Variants in HGS observed in about 807,000 individuals in gnomAD.
The protein encoded by HGS is hepatocyte growth factor-regulated tyrosine kinase substrate, also known as human growth factor-regulated tyrosine kinase substrate.
In HGS, 63 loss-of-function variants were observed where a neutral mutation model predicts 109.7. The ratio of observed to expected loss-of-function variants is 0.57; its 90% CI spans 0.47 to 0.71. The LOEUF is 0.71. Ranked by LOEUF, HGS falls within the 30% of genes least tolerant of loss-of-function variation. The probability of loss-of-function intolerance (pLI) is 0.00; values close to 1 mark genes in which losing one functional copy is unlikely to be tolerated. For synonymous variants in HGS, 546 were observed against 437.3 expected (o/e 1.25, Z -3.10); for missense variants, 995 against 1,068.3 (o/e 0.93, Z 0.96).
At chr17:81,695,126 G>A (rs1388613491) in intron 13 of HGS, 38 bp from the exon 14 acceptor site, 23 of 1,613,708 alleles carry the variant, frequency 1.4e-5, no homozygotes, top group Non-Finnish European at 1.9e-5. Flanking sequence ...GGTGGATGCG[G>A]GACAGGTTGG....
rs766242507 is a variant in HGS, at chr17:81,684,077, G to A, written c.11G>A (p.Gly4Asp). 6.3e-7 allele frequency: 1 copy of A among 1,594,910 alleles called. No individual in the cohort carries two copies. Among genetic ancestry groups the A allele is most frequent in the Non-Finnish European group, 8.5e-7 (1 of 1,172,976 alleles). Residue 4 changes from glycine to aspartate, a missense_variant, in exon 1 of 22, where the codon GGC becomes GAC. By Grantham distance (94) the Gly-to-Asp change is moderately conservative. Coordinates refer to ENST00000329138, the MANE Select transcript of HGS (RefSeq NM_004712.5). The part of the protein sequence containing the change: MGR[G>D]SGTFERLLDK... ...GGGCTGGAGGTCGCCATGGGGCGAG[G>A]CAGCGGCACCTTCGAGCGTCTCCTA...
At position 81,688,710 on chromosome 17, in the gene HGS, G is replaced by A; in HGVS notation, c.298G>A (p.Val100Met). ...CCCTTCTCCCTGCCTGCAGAGACAAGTGGAGGTAAACGTCCGTAACAAGAT... is the reference window on the plus strand; with the variant it reads ...CCCTTCTCCCTGCCTGCAGAGACAAATGGAGGTAAACGTCCGTAACAAGAT... ...EELKDLLKRQ[V>M]EVNVRNKILY... is the part of the protein sequence containing the mutation. The change falls in exon 5 of 22, where the codon GTG becomes ATG. Residue 100 changes from valine to methionine, a missense_variant. Physicochemically the swap from Val to Met is conservative, Grantham distance 21. This residue lies in a region of HGS where 182 missense variants were observed against 261.3 expected (regional missense o/e 0.70). Coordinates refer to ENST00000329138, the MANE Select transcript of HGS (RefSeq NM_004712.5). 3 of 1,613,956 alleles carry A rather than the reference G, an allele frequency of 1.9e-6. No homozygotes were observed. The highest frequency in any genetic ancestry group is 2.5e-6 in the Non-Finnish European group (3 of 1,179,934).
chr17:81,698,172 C>T (rs954450972), intron 18 of HGS: 2 of 152,188 alleles, frequency 1.3e-5, no homozygotes, highest in African/African-American at 2.4e-5. Context: ...GTGGCACGTG[C>T]CTGTAATCCC....
rs757996383 is a variant in HGS at position 81,700,503 on chromosome 17, G to A, written c.1919G>A (p.Gly640Glu). The A allele has an allele frequency of 3.1e-6, 5 of 1,604,798 alleles. No individual in the cohort carries two copies. The highest frequency in any genetic ancestry group is 1.7e-4 in the Middle Eastern group (1 of 6,038). Residue 640 changes from glycine to glutamate, a missense_variant, in exon 19 of 22, where the codon GGG (glycine) becomes GAG (glutamate). Coordinates refer to ENST00000329138, the MANE Select transcript of HGS (RefSeq NM_004712.5). Reference protein sequence around the residue: ...SMVSAYMYPAGATGAQAAPQA... With the variant: ...SMVSAYMYPAEATGAQAAPQA... ...GTGAGTGCCTACATGTACCCAGCAG[G>A]GGCCACTGGGGCGCAGGCGGCCCCC...
At chr17:81,701,371 G>C in intron 21 of HGS, 137 bp from the exon 22 acceptor site, 1 of 1,011,492 alleles carries the variant, frequency 9.9e-7, no homozygotes, top group Non-Finnish European at 1.4e-6. Context: ...AAGGCCGCAT[G>C]AGCTGGCTGC....
intron 1 of HGS, chr17:81,685,061 T>C (rs1197867041): frequency 4.1e-6 from 4 of 985,382 alleles, no homozygotes; most frequent in African/African-American, 1.7e-5. Context: ...TGATGTGGTA[T>C]GATGACAGGT....
In HGS at chr17:81,684,035, C is replaced by T; in HGVS notation, c.-32C>T. The T allele has an allele frequency of 1.3e-6, 2 of 1,581,956 alleles. No homozygotes were observed. The highest frequency in any genetic ancestry group is 1.7e-6 in the Non-Finnish European group (2 of 1,167,546). ...CGCGCCAGCTCGTAGCAGGGGAGCG[C>T]CCGCGGCGTCGGGTTTGGGCTGGAG... is the stretch of plus-strand genomic sequence containing the variant. On this transcript the variant is annotated 5_prime_UTR_variant, in exon 1 of 22. Transcript: ENST00000329138.
At chr17:81,687,118 G>A in intron 4 of HGS, 23 bp downstream of exon 4, 1 of 1,570,412 alleles carries the variant, frequency 6.4e-7, no homozygotes, top group Non-Finnish European at 8.7e-7. Flanking sequence ...GGGGCATGCG[G>A]GTGGCCACCC....
At chr17:81,688,855 G>T (rs762447267) in intron 5 of HGS, 28 bp downstream of exon 5, 1 of 1,613,888 alleles carries the variant, frequency 6.2e-7, no homozygotes, top group South Asian at 1.1e-5. Context: ...TTGGGACCAG[G>T]TTGAGGCTTG....
intron 19 of HGS, 31 bp from the exon 20 acceptor site, chr17:81,700,664 C>G (rs1347895846): frequency 6.3e-7 from 1 of 1,589,918 alleles, no homozygotes; most frequent in South Asian, 1.1e-5. Context: ...AGCCCCAGCC[C>G]CTTCTCCCAT....
chr17:81,688,133 C>T (rs949712361), intron 4 of HGS, among the ~76,000 whole-genome samples: 1 of 151,794 alleles, frequency 6.6e-6, no homozygotes, highest in Non-Finnish European at 1.5e-5. Flanking sequence ...AGCCTCTGAT[C>T]GCACGCCGTC....
chr17:81,697,809 CGT>C (rs2037177967), intron 18 of HGS: 1 of 152,098 alleles, frequency 6.6e-6, no homozygotes, highest in Middle Eastern at 3.2e-3. Flanking sequence ...AGCGTGGAGA[CGT>C]GTTTATTTTT....
intron 7 of HGS, 116 bp downstream of exon 7, chr17:81,690,858 G>C: frequency 2.3e-6 from 2 of 866,424 alleles, no homozygotes; most frequent in Middle Eastern, 2.4e-4. Flanking sequence ...CAGGAGGTGA[G>C]TGCAGCTCGC....
intron 1 of HGS, 90 bp from the exon 2 acceptor site, chr17:81,685,515 G>A (rs879824777): frequency 1.7e-5 from 13 of 772,230 alleles, no homozygotes; most frequent in Non-Finnish European, 2.8e-5. Context: ...AGGGGAAGGA[G>A]AGAGTCCCCC....
rs930971317 is a variant in HGS at position 81,691,154 on chromosome 17, C to G, written c.538-293C>G. On this transcript the variant is annotated intron_variant, in intron 7 of 21. Coordinates refer to ENST00000329138, the MANE Select transcript of HGS (RefSeq NM_004712.5). The surrounding 1 kb of genome is among the most constrained non-coding windows in gnomAD (Gnocchi z 5.3). ...TTTGGGGTGTCAGCAGCTTCCAGCA[C>G]CCACTGCACTCACAAAAGCTCTTGT... 2.2e-6 allele frequency: 1 copy of G among 461,676 alleles called. No homozygotes were observed. Among genetic ancestry groups the G allele is most frequent in the Non-Finnish European group, 4.0e-6 (1 of 252,376 alleles). 28.6% of individuals were successfully genotyped at this position (461,676 alleles called of 1,614,324 possible). A position where few individuals can be genotyped will look rare whatever the true frequency, so the allele number is the denominator to read the frequency against.
chr17:81,700,881 T>C, intron 20 of HGS, 67 bp downstream of exon 20: 1 of 1,580,190 alleles, frequency 6.3e-7, no homozygotes, highest in African/African-American at 1.3e-5. Flanking sequence ...TGAGGGTCCT[T>C]TGGTGAGGCT....
At chr17:81,688,234 G>T (rs898990276) in intron 4 of HGS, among the ~76,000 whole-genome samples, 2 of 152,188 alleles carry the variant, frequency 1.3e-5, no homozygotes, top group Non-Finnish European at 2.9e-5. Context: ...GCTGCAGGGG[G>T]TCTGGAGCCC....
At chr17:81,685,970 A>G (rs946087655) in intron 2 of HGS, among the ~76,000 whole-genome samples, 2 of 152,028 alleles carry the variant, frequency 1.3e-5, no homozygotes, top group African/African-American at 4.8e-5. Flanking sequence ...TTGCTTTGTC[A>G]CCCAGGCTGA....
intron 18 of HGS, among the ~76,000 whole-genome samples, chr17:81,700,226 G>A (rs1435476988): frequency 2.6e-5 from 4 of 151,576 alleles, no homozygotes; most frequent in South Asian, 2.1e-4. Flanking sequence ...AAAATTAGCC[G>A]GGCGTAGTGG....
Sources: allele counts gnomAD v4.1 joint callset (sites outside exome capture counted in the v4.1 genomes callset), GRCh38; gene constraint gnomAD v4.1.1; regional missense constraint gnomAD v4.1.1; non-coding constraint Gnocchi (gnomAD v3.1); transcripts MANE v1.5; gene names NCBI Gene and HGNC (gene_info 2026-07-23, HGNC 2026-07-21).